Variants in CCDC170 observed in about 807,000 individuals in gnomAD.
The protein encoded by CCDC170 is coiled-coil domain-containing protein 170.
In CCDC170, 69 loss-of-function variants were observed where a neutral mutation model predicts 72.6. The observed-to-expected ratio is 0.95, with a 90% CI of 0.78 to 1.16. CCDC170 has a LOEUF of 1.16. CCDC170 is among the 50% of genes most tolerant of loss of function. The probability of loss-of-function intolerance (pLI) is 0.00; values close to 1 mark genes in which losing one functional copy is unlikely to be tolerated. For synonymous variants in CCDC170, 300 were observed against 303.9 expected (o/e 0.99, Z 0.13); for missense variants, 852 against 832.5 (o/e 1.02, Z -0.29).
At chr6:151,592,479 A>G (rs1156252115) in intron 7 of CCDC170, among the ~76,000 whole-genome samples, 1 of 152,232 alleles carries the variant, frequency 6.6e-6, no homozygotes, top group Non-Finnish European at 1.5e-5. Context: ...CCTCACAATC[A>G]TGGTGGAAGA....
At chr6:151,518,436 C>T (rs1385765378) in intron 1 of CCDC170, among the ~76,000 whole-genome samples, 2 of 152,054 alleles carry the variant, frequency 1.3e-5, no homozygotes, top group Non-Finnish European at 2.9e-5. Context: ...AGGAAGGAGT[C>T]CCAATCCAGA....
Position 151,618,596 on chromosome 6 carries a change from A to G in CCDC170, c.*449A>G, listed in dbSNP as rs1201955951. 6.0e-6 allele frequency: 1 copy of G among 166,620 alleles called. No individual in the cohort carries two copies. The highest frequency in any genetic ancestry group is 1.3e-5 in the Non-Finnish European group (1 of 75,918). The allele number at this position is 166,620 out of a possible 1,614,324, so 10.3% of individuals were successfully genotyped here. A position where few individuals can be genotyped will look rare whatever the true frequency, so the allele number is the denominator to read the frequency against. On this transcript the variant is annotated 3_prime_UTR_variant, in exon 11 of 11. Coordinates refer to ENST00000239374, the MANE Select transcript of CCDC170 (RefSeq NM_025059.4). Reference sequence around the variant, plus strand: ...GTGGTGGGACCAGGATGGACAACTCATTGGCCCTGCCTCAAAAGCCATACC... The same window carrying G: ...GTGGTGGGACCAGGATGGACAACTCGTTGGCCCTGCCTCAAAAGCCATACC...
intron 5 of CCDC170, among the ~76,000 whole-genome samples, chr6:151,563,017 A>G (rs1440588394): frequency 1.3e-5 from 2 of 152,238 alleles, no homozygotes; most frequent in Non-Finnish European, 2.9e-5. Flanking sequence ...GCAGGCCACC[A>G]GTATGCCCCT....
At chr6:151,590,445 G>A (rs1288860733) in intron 7 of CCDC170, among the ~76,000 whole-genome samples, 4 of 152,140 alleles carry the variant, frequency 2.6e-5, no homozygotes, top group Admixed American at 2.6e-4. Context: ...AATTATGTAA[G>A]CTAACTCTGT....
intron 9 of CCDC170, among the ~76,000 whole-genome samples, chr6:151,599,304 T>G (rs981820726): frequency 6.6e-6 from 1 of 152,190 alleles, no homozygotes; most frequent in African/African-American, 2.4e-5. Context: ...GAACTCAGAC[T>G]GAAAAATCAA....
At chr6:151,547,451 G>A (rs961998128) in intron 4 of CCDC170, among the ~76,000 whole-genome samples, 3 of 152,130 alleles carry the variant, frequency 2.0e-5, no homozygotes, top group Admixed American at 1.3e-4. Flanking sequence ...TCTGAAGAGC[G>A]CCCCCGTGAG....
At chr6:151,595,654 A>G (rs1332998839) in intron 8 of CCDC170, among the ~76,000 whole-genome samples, 2 of 152,090 alleles carry the variant, frequency 1.3e-5, no homozygotes, top group African/African-American at 2.4e-5. Flanking sequence ...TGTCTTTACA[A>G]AAAAATACAA....
At chr6:151,552,077 G>A (rs1782888633) in intron 5 of CCDC170, among the ~76,000 whole-genome samples, 1 of 148,926 alleles carries the variant, frequency 6.7e-6, no homozygotes, top group Admixed American at 6.7e-5. Flanking sequence ...TTGACATGTT[G>A]GAGAGTCCAG....
In CCDC170 at chr6:151,541,923, A is replaced by T. The variant is rs1453300032; in HGVS notation, c.444-2649A>T. ...AAGACAGAGTCTTGCTTTGTCACCC[A>T]GGCTGGAGTGCAGTGACATGACCTT... On this transcript the variant is annotated intron_variant, in intron 3 of 10. Transcript: ENST00000239374. 9.5e-5 allele frequency among the ~76,000 whole-genome samples: 14 copies of T among 147,566 alleles called. No homozygotes were observed. The East Asian group carries it at 2.8e-3, about 29-fold the overall frequency.
intron 1 of CCDC170, among the ~76,000 whole-genome samples, chr6:151,502,564 C>A (rs2115019019): frequency 6.6e-6 from 1 of 152,268 alleles, no homozygotes; most frequent in African/African-American, 2.4e-5. Flanking sequence ...CTATAATTGT[C>A]CCATTTCCCT....
chr6:151,603,087 C>A (rs997229270), intron 9 of CCDC170, among the ~76,000 whole-genome samples: 4 of 152,194 alleles, frequency 2.6e-5, no homozygotes, highest in Non-Finnish European at 4.4e-5. Flanking sequence ...AGGCGTGAGA[C>A]AACATGCCCA....
rs140695661 is a variant in CCDC170, at chr6:151,499,572, A to C, written c.57+5387A>C. ...AAGTGGAATCATACTGTATTTGACT[A>C]TTCTAGGCACGCTGTATAAGTGGAA... is the stretch of plus-strand genomic sequence containing the variant. On this transcript the variant is annotated intron_variant, in intron 1 of 10. Coordinates refer to ENST00000239374, the MANE Select transcript of CCDC170 (RefSeq NM_025059.4). Among the ~76,000 whole-genome samples, 106 of 118,942 alleles carry C rather than the reference A, an allele frequency of 8.9e-4. 7 individuals carry two copies. Among genetic ancestry groups the C allele is most frequent in the Middle Eastern group, 4.5e-3 (1 of 222 alleles). The allele number at this position is 118,942 out of a possible 152,430, so 78.0% of individuals were successfully genotyped here.
At chr6:151,525,789 T>C (rs917150233) in intron 1 of CCDC170, among the ~76,000 whole-genome samples, 2 of 152,232 alleles carry the variant, frequency 1.3e-5, no homozygotes, top group Non-Finnish European at 2.9e-5. Flanking sequence ...AATTCATGTA[T>C]TGATGGACAC....
At chr6:151,550,808 T>A (rs760962531) in intron 5 of CCDC170, among the ~76,000 whole-genome samples, 3 of 152,192 alleles carry the variant, frequency 2.0e-5, no homozygotes, top group Non-Finnish European at 2.9e-5. Flanking sequence ...CTAAGTGCTA[T>A]GATGTCTTTC....
chr6:151,596,364 C>G lies in CCDC170; in HGVS notation c.1497C>G (p.Ser499Arg). ...AGACACAGAAAGAGAGACTGGAGAG[C>G]AAAGAATTACACATGAGCCTCCTCC... ...KLKTQKERLE[S>R]KELHMSLLRQ... The change falls in exon 9 of 11, where the codon AGC becomes AGG. Residue 499 changes from serine (S) to arginine (R), a missense_variant. Ser to Arg is a moderately radical substitution (Grantham distance 110, BLOSUM62 -1). Coordinates refer to ENST00000239374, the MANE Select transcript of CCDC170 (RefSeq NM_025059.4). 3 of 1,613,768 alleles carry G rather than the reference C, an allele frequency of 1.9e-6. No individual in the cohort carries two copies. The highest frequency in any genetic ancestry group is 1.7e-6 in the Non-Finnish European group (2 of 1,179,926).
intron 5 of CCDC170, among the ~76,000 whole-genome samples, chr6:151,558,235 T>TTTTA (rs1562281961): frequency 4.4e-5 from 3 of 68,450 alleles, no homozygotes; most frequent in Non-Finnish European, 1.3e-4. Context: ...GATTAGTGTT[T>TTTTA]TTTTTTTTTT....
intron 4 of CCDC170, among the ~76,000 whole-genome samples, chr6:151,547,161 A>G (rs1320297737): frequency 6.6e-6 from 1 of 152,216 alleles, no homozygotes; most frequent in Non-Finnish European, 1.5e-5. Flanking sequence ...GCAAGGAACC[A>G]TGCATTCCTA....
intron 7 of CCDC170, among the ~76,000 whole-genome samples, chr6:151,592,277 C>T (rs1030576759): frequency 1.9e-4 from 29 of 151,940 alleles, no homozygotes; most frequent in Admixed American, 3.3e-4. Flanking sequence ...GGAGAATTGC[C>T]GGAACCTGGG....
chr6:151,499,517 C>G (rs146678833), intron 1 of CCDC170, among the ~76,000 whole-genome samples: 15 of 118,754 alleles, frequency 1.3e-4, no homozygotes, highest in African/African-American at 3.4e-4. Context: ...TGGAATCAGA[C>G]TGTATTTGAC....
Sources: allele counts gnomAD v4.1 joint callset (sites outside exome capture counted in the v4.1 genomes callset), GRCh38; gene constraint gnomAD v4.1.1; transcripts MANE v1.5; gene names NCBI Gene and HGNC (gene_info 2026-07-23, HGNC 2026-07-21).